Variants in SYN3 observed in about 807,000 individuals in gnomAD.
The protein encoded by SYN3 is synapsin-3.
Under a neutral mutation model 65.8 loss-of-function variants are expected in SYN3, and 35 were observed. The observed-to-expected ratio is 0.53, with a 90% CI of 0.41 to 0.70. The LOEUF (loss-of-function observed/expected upper bound fraction) is 0.70. Among genes scored for constraint, SYN3 ranks in the 30% least tolerant of loss-of-function variants. The pLI is 0.00. For missense variants in SYN3, 680 were observed against 749.0 expected (o/e 0.91, Z 1.08); for synonymous variants, 270 against 292.9 (o/e 0.92, Z 0.80).
intron 1 of SYN3, among the ~76,000 whole-genome samples, chr22:33,047,955 G>T (rs572975267): frequency 7.3e-4 from 110 of 151,626 alleles, no homozygotes; most frequent in African/African-American, 2.5e-3. Flanking sequence ...TTGAACTCAG[G>T]TCTGTGTTGC....
At chr22:32,700,820 C>T (rs1028724770) in intron 6 of SYN3, among the ~76,000 whole-genome samples, 5 of 152,210 alleles carry the variant, frequency 3.3e-5, no homozygotes, top group Non-Finnish European at 7.3e-5. Flanking sequence ...TAACATCAAC[C>T]ACTTGGATGT....
chr22:32,623,722 G>T (rs1272803131), intron 6 of SYN3, among the ~76,000 whole-genome samples: 2 of 152,234 alleles, frequency 1.3e-5, no homozygotes, highest in Admixed American at 6.5e-5. Flanking sequence ...TGTGGATACA[G>T]TGGTGAACAA....
chr22:32,922,417 G>A (rs957691129), intron 4 of SYN3, among the ~76,000 whole-genome samples: 2 of 152,216 alleles, frequency 1.3e-5, no homozygotes, highest in South Asian at 2.1e-4. Flanking sequence ...TTCATGTTAA[G>A]TGCTTGGAGC....
chr22:32,858,882 C>T (rs1194539223), intron 6 of SYN3, among the ~76,000 whole-genome samples: 2 of 152,180 alleles, frequency 1.3e-5, no homozygotes, highest in African/African-American at 4.8e-5. Context: ...CGAAAAAGTC[C>T]TCTCAGTAGT....
chr22:32,958,956 G>A (rs968091048), intron 3 of SYN3, among the ~76,000 whole-genome samples: 2 of 152,098 alleles, frequency 1.3e-5, no homozygotes, highest in Non-Finnish European at 2.9e-5. Context: ...ACTTTGAGAG[G>A]CTGAGGCGGG....
intron 6 of SYN3, among the ~76,000 whole-genome samples, chr22:32,662,209 C>T (rs886746641): frequency 5.9e-5 from 9 of 152,166 alleles, no homozygotes; most frequent in African/African-American, 9.7e-5. Flanking sequence ...GTCTCCTTTT[C>T]GGCATTCTTT....
At chr22:32,804,862 A>T (rs914833871) in intron 6 of SYN3, among the ~76,000 whole-genome samples, 2 of 152,144 alleles carry the variant, frequency 1.3e-5, no homozygotes, top group African/African-American at 4.8e-5. Context: ...CTGGCCAGTC[A>T]TTGCCCCTGA....
At chr22:32,939,055 A>G (rs538664281) in intron 3 of SYN3, among the ~76,000 whole-genome samples, 1 of 152,362 alleles carries the variant, frequency 6.6e-6, no homozygotes, top group African/African-American at 2.4e-5. Context: ...ACCAGATGGA[A>G]ATTTGTACCA....
At chr22:33,016,665 AT>A (rs1317887681) in intron 1 of SYN3, among the ~76,000 whole-genome samples, 1 of 151,918 alleles carries the variant, frequency 6.6e-6, no homozygotes, top group Non-Finnish European at 1.5e-5. Context: ...AATAATGAGC[AT>A]TTTTTTCATA....
intron 12 of SYN3, among the ~76,000 whole-genome samples, chr22:32,526,157 C>T (rs984336305): frequency 6.6e-6 from 1 of 152,072 alleles, no homozygotes; most frequent in African/African-American, 2.4e-5. Flanking sequence ...GTAGTGTAAA[C>T]ATAGCTTTTA....
At chr22:32,950,781 C>G (rs573811775) in intron 3 of SYN3, among the ~76,000 whole-genome samples, 2 of 152,110 alleles carry the variant, frequency 1.3e-5, no homozygotes, top group African/African-American at 2.4e-5. Context: ...CTAAGGGTAG[C>G]GAACCTGGGG....
At chr22:32,749,855 C>G (rs1023344947) in intron 6 of SYN3, among the ~76,000 whole-genome samples, 1 of 152,166 alleles carries the variant, frequency 6.6e-6, no homozygotes, top group African/African-American at 2.4e-5. Context: ...CCAGGTCAAA[C>G]TTAGCATGCC....
At chr22:32,822,929 CAAA>C (rs367976058) in intron 6 of SYN3, among the ~76,000 whole-genome samples, 20 of 25,374 alleles carry the variant, frequency 7.9e-4, no homozygotes, top group South Asian at 4.6e-3. Context: ...ACAACAACAA[CAAA>C]AAAAAAACAG....
At chr22:33,044,844 CTTTT>C (rs1302960357) in intron 1 of SYN3, among the ~76,000 whole-genome samples, 1 of 134,942 alleles carries the variant, frequency 7.4e-6, no homozygotes, top group Non-Finnish European at 1.6e-5. Context: ...GATGATTCTT[CTTTT>C]TTTTTTTTTT....
chr22:32,770,039 C>G (rs775727135), intron 6 of SYN3, among the ~76,000 whole-genome samples: 1 of 152,232 alleles, frequency 6.6e-6, no homozygotes, highest in East Asian at 1.9e-4. Context: ...TCTAGCCCCC[C>G]TGACTGTTCA....
chr22:32,635,882 AG>A (rs1478566787), intron 6 of SYN3, among the ~76,000 whole-genome samples: 2 of 152,234 alleles, frequency 1.3e-5, no homozygotes, highest in Non-Finnish European at 2.9e-5. Flanking sequence ...GAATGATAAA[AG>A]AAAGAGAAAA....
chr22:32,843,506 T>C (rs1433763388), intron 6 of SYN3, among the ~76,000 whole-genome samples: 3 of 152,276 alleles, frequency 2.0e-5, no homozygotes, highest in Non-Finnish European at 4.4e-5. Flanking sequence ...GCCTTTGCCA[T>C]GAGCACTCCG....
intron 6 of SYN3, among the ~76,000 whole-genome samples, chr22:32,641,846 C>T (rs890941567): frequency 2.0e-5 from 3 of 151,934 alleles, no homozygotes; most frequent in Admixed American, 6.6e-5. Flanking sequence ...ATTAAGAAAA[C>T]GAAAAAGTGC....
chr22:32,625,078 G>C (rs1364396975), intron 6 of SYN3, among the ~76,000 whole-genome samples: 1 of 152,180 alleles, frequency 6.6e-6, no homozygotes, highest in Non-Finnish European at 1.5e-5. Flanking sequence ...GGCATACCCA[G>C]CACTTTCTCT....
Sources: gnomAD v4.1 joint callset for allele counts (sites outside exome capture counted in the v4.1 genomes callset) on GRCh38, gnomAD v4.1.1 for gene constraint, MANE v1.5 for transcripts, NCBI Gene and HGNC (gene_info 2026-07-23, HGNC 2026-07-21) for gene names.